FXN: variants seen among roughly 807,000 people sequenced by gnomAD.
FXN encodes the protein frataxin, mitochondrial.
FXN carries 14 observed loss-of-function variants against 22.4 expected under a neutral mutation model. The ratio of observed to expected loss-of-function variants is 0.62; its 90% CI spans 0.41 to 0.98. The LOEUF (loss-of-function observed/expected upper bound fraction) is 0.98. Ranked by LOEUF, FXN falls within the 50% of genes least tolerant of loss-of-function variation. The pLI, the probability that FXN is intolerant of heterozygous loss-of-function variation, is 0.00. For missense variants in FXN, 267 were observed against 268.4 expected (o/e 0.99, Z 0.04); for synonymous variants, 120 against 114.1 (o/e 1.05, Z -0.33).
intron 3 of FXN, among the ~76,000 whole-genome samples, chr9:69,059,888 C>T (rs1832034789): frequency 6.6e-6 from 1 of 152,180 alleles, no homozygotes; most frequent in South Asian, 2.1e-4. Context: ...ATTAAAATGG[C>T]ATAGGTAAAA....
chr9:69,054,885 A>G (rs1469716136), intron 3 of FXN, among the ~76,000 whole-genome samples: 1 of 152,238 alleles, frequency 6.6e-6, no homozygotes, highest in East Asian at 1.9e-4. Context: ...GGATTCAATC[A>G]TGGAATTGTT....
At chr9:69,066,309 G>T (rs139838469) in intron 4 of FXN, among the ~76,000 whole-genome samples, 1 of 152,124 alleles carries the variant, frequency 6.6e-6, no homozygotes, top group African/African-American at 2.4e-5. Flanking sequence ...CCCTAACATT[G>T]ACATCATTTT....
chr9:69,053,511 A>ATGGATG lies in FXN; in HGVS notation c.384+251_384+252insTGGATG, dbSNP rs34724950. ...TGGATGGATGGATGGATGGATGGATAGATAGATAGATAGATAGATAGATAG... is the reference window on the plus strand; with the variant it reads ...TGGATGGATGGATGGATGGATGGATATGGATGGATAGATAGATAGATAGATAGATAG... On this transcript the variant is annotated intron_variant, in intron 3 of 4. Transcript: ENST00000484259. Among the ~76,000 whole-genome samples the ATGGATG allele has an allele frequency of 0.18, 23,704 of 133,560 alleles. 2,387 individuals carry two copies. Among genetic ancestry groups the ATGGATG allele is most frequent in the Admixed American group, 0.28 (3,538 of 12,602 alleles). 87.6% of individuals were successfully genotyped at this position (133,560 alleles called of 152,430 possible).
intron 4 of FXN, among the ~76,000 whole-genome samples, chr9:69,070,729 G>T (rs1435191776): frequency 2.7e-5 from 4 of 147,724 alleles, no homozygotes; most frequent in Non-Finnish European, 4.5e-5. Flanking sequence ...AAAAAATTTT[G>T]TTTTTTTTTC....
At chr9:69,059,650 C>T (rs1206323270) in intron 3 of FXN, among the ~76,000 whole-genome samples, 1 of 151,980 alleles carries the variant, frequency 6.6e-6, no homozygotes, top group Admixed American at 6.6e-5. Context: ...AAGTGATCCA[C>T]TGGCCTCAGC....
chr9:69,063,990 C>T (rs1359383340), intron 3 of FXN, among the ~76,000 whole-genome samples: 2 of 152,166 alleles, frequency 1.3e-5, no homozygotes, highest in South Asian at 2.1e-4. Context: ...CTAAATAGCT[C>T]TCTGTGTTTG....
chr9:69,045,158 A>T lies in FXN; in HGVS notation c.166-1227A>T, dbSNP rs1368463876. ...GGTGCAGTTGAGGAGCTGACTTTAT[A>T]TTTTATCTCATTAAATTTAAATGTA... On this transcript the variant is annotated intron_variant, in intron 1 of 4. Transcript: ENST00000484259. Among the ~76,000 whole-genome samples the T allele has an allele frequency of 2.0e-5, 3 of 152,046 alleles. No homozygotes were observed. In the East Asian group the frequency reaches 5.8e-4, roughly 29 times the overall value.
chr9:69,047,233 T>C (rs1831771376), intron 2 of FXN, among the ~76,000 whole-genome samples: 1 of 152,078 alleles, frequency 6.6e-6, no homozygotes. Flanking sequence ...CCGATGCCCA[T>C]GTGGTCACCA....
At chr9:69,042,225 A>G (rs1414578800) in intron 1 of FXN, among the ~76,000 whole-genome samples, 3 of 147,114 alleles carry the variant, frequency 2.0e-5, no homozygotes, top group African/African-American at 7.5e-5. Context: ...GCAACAGAGC[A>G]AGACTCCGTC....
rs867381099 is a variant in FXN, at chr9:69,078,759, G to T, written c.*5997G>T. The T allele has an allele frequency of 7.1e-6, 7 of 985,538 alleles. No homozygotes were observed. The Middle Eastern group carries it at 1.6e-3, about 220-fold the overall frequency. 61.0% of individuals were successfully genotyped at this position (985,538 alleles called of 1,614,324 possible). On this transcript the variant is annotated 3_prime_UTR_variant, in exon 5 of 5. Transcript: ENST00000484259. ...TTATTCCCCACATCTCTGCCTGGGG[G>T]GTAGATTCTACCCTGAAAAATGTTC...
At chr9:69,044,146 T>C (rs1831705662) in intron 1 of FXN, among the ~76,000 whole-genome samples, 1 of 152,230 alleles carries the variant, frequency 6.6e-6, no homozygotes, top group South Asian at 2.1e-4. Flanking sequence ...CCTAGCCTTG[T>C]ATTTCTCCTA....
chr9:69,078,879 G>C lies in FXN; in HGVS notation c.*6117G>C. On this transcript the variant is annotated 3_prime_UTR_variant, in exon 5 of 5. Transcript: ENST00000484259. ...CAGCATACCATGTTTGTCTTTCCCA[G>C]CACTGACCTACCATGTGTCACCCCT... 1 of 985,658 alleles carries C rather than the reference G, an allele frequency of 1.0e-6. No homozygotes were observed. The highest frequency in any genetic ancestry group is 1.2e-6 in the Non-Finnish European group (1 of 830,156). 61.1% of individuals were successfully genotyped at this position (985,658 alleles called of 1,614,324 possible).
chr9:69,049,267 C>T (rs997615869), intron 2 of FXN, among the ~76,000 whole-genome samples: 1 of 152,110 alleles, frequency 6.6e-6, no homozygotes, highest in Non-Finnish European at 1.5e-5. Context: ...CTTCAAGACA[C>T]GTCAACCAGC....
At chr9:69,053,584 C>T (rs760929807) in intron 3 of FXN, among the ~76,000 whole-genome samples, 1 of 152,148 alleles carries the variant, frequency 6.6e-6, no homozygotes, top group South Asian at 2.1e-4. Context: ...CTTCAAGCTG[C>T]AGTCCAGCTC....
rs141993170 is a variant in FXN at position 69,064,887 on chromosome 9, A to C, written c.385-51A>C. On this transcript the variant is annotated intron_variant, in intron 3 of 4. Coordinates refer to ENST00000484259, the MANE Select transcript of FXN (RefSeq NM_000144.5). The stretch of plus-strand genomic sequence containing the variant: ...ATGAAGCAATGATGACAAAGTGCTA[A>C]CTTTTTCTTGTTTTAATTTCTTTAT... 129 of 1,152,124 alleles carry C rather than the reference A, an allele frequency of 1.1e-4. No homozygotes were observed. The African/African-American group carries it at 1.4e-3, about 13-fold the overall frequency. The allele number at this position is 1,152,124 out of a possible 1,614,324, so 71.4% of individuals were successfully genotyped here.
intron 3 of FXN, among the ~76,000 whole-genome samples, chr9:69,060,705 TGA>T (rs1832055691): frequency 6.6e-6 from 1 of 152,188 alleles, no homozygotes; most frequent in African/African-American, 2.4e-5. Context: ...GGGAGGAAGT[TGA>T]GCATTGGGGT....
rs868324189 is a variant in FXN, at chr9:69,074,808, G to A, written c.*2046G>A. ...GCTAAATAGGTAAAATATTTTTTCTGAAATAAAATTATTTTTTGAGTCTGA... is the reference window on the plus strand; with the variant it reads ...GCTAAATAGGTAAAATATTTTTTCTAAAATAAAATTATTTTTTGAGTCTGA... On this transcript the variant is annotated 3_prime_UTR_variant, in exon 5 of 5. Transcript: ENST00000484259. 1.6e-5 allele frequency: 15 copies of A among 954,242 alleles called. No individual in the cohort carries two copies. In the South Asian group the frequency reaches 5.8e-4, roughly 37 times the overall value. 59.1% of individuals were successfully genotyped at this position (954,242 alleles called of 1,614,324 possible).
intron 2 of FXN, among the ~76,000 whole-genome samples, chr9:69,048,445 A>G (rs1004862067): frequency 3.3e-5 from 5 of 152,050 alleles, no homozygotes; most frequent in African/African-American, 7.2e-5. Flanking sequence ...CTCTACTAAA[A>G]ATACAAAAAG....
At position 69,078,898 on chromosome 9, in the gene FXN, C is replaced by T; in HGVS notation, c.*6136C>T. ...TTCCCAGCACTGACCTACCATGTGTCACCCCTGCTTGGCTGTACCTTCCAT... is the reference window on the plus strand; with the variant it reads ...TTCCCAGCACTGACCTACCATGTGTTACCCCTGCTTGGCTGTACCTTCCAT... On this transcript the variant is annotated 3_prime_UTR_variant, in exon 5 of 5. Coordinates refer to ENST00000484259, the MANE Select transcript of FXN (RefSeq NM_000144.5). 1.0e-6 allele frequency: 1 copy of T among 985,308 alleles called. No homozygotes were observed. Among genetic ancestry groups the T allele is most frequent in the Non-Finnish European group, 1.2e-6 (1 of 829,818 alleles). The allele number at this position is 985,308 out of a possible 1,614,324, so 61.0% of individuals were successfully genotyped here.
Sources: gnomAD v4.1 joint callset for allele counts (sites outside exome capture counted in the v4.1 genomes callset) on GRCh38, gnomAD v4.1.1 for gene constraint, MANE v1.5 for transcripts, NCBI Gene and HGNC (gene_info 2026-07-23, HGNC 2026-07-21) for gene names.